Variants in AP2A1 observed in about 807,000 individuals in gnomAD.
The protein encoded by AP2A1 is AP-2 complex subunit alpha-1.
In AP2A1, 21 loss-of-function variants were observed where a neutral mutation model predicts 107.3. The ratio of observed to expected loss-of-function variants is 0.20; its 90% CI spans 0.14 to 0.28. The LOEUF is 0.28. AP2A1 is among the 10% of genes least tolerant of loss of function. The pLI, the probability that AP2A1 is intolerant of heterozygous loss-of-function variation, is 1.00. For missense variants in AP2A1, 873 were observed against 1,307.7 expected (o/e 0.67, Z 5.13); for synonymous variants, 602 against 564.8 (o/e 1.07, Z -0.93).
intron 7 of AP2A1, among the ~76,000 whole-genome samples, chr19:49,798,287 G>C (rs2073235242): frequency 6.6e-6 from 1 of 152,246 alleles, no homozygotes; most frequent in East Asian, 1.9e-4. Flanking sequence ...TGTCTCCTTT[G>C]GCCTCCCAGC....
intron 18 of AP2A1, chr19:49,804,489 G>C (rs570413877): frequency 6.6e-6 from 1 of 150,942 alleles, no homozygotes; most frequent in Non-Finnish European, 1.5e-5. Context: ...GCAGTAAGCC[G>C]AGATTGCGCC....
chr19:49,795,140 C>G (rs569942618), intron 6 of AP2A1, among the ~76,000 whole-genome samples: 6 of 152,344 alleles, frequency 3.9e-5, no homozygotes, highest in Admixed American at 6.5e-5. Flanking sequence ...GCTGTGTGCT[C>G]TGACGGAGGA....
At chr19:49,806,469 C>T (rs1204733569) in intron 22 of AP2A1, 1 of 1,439,370 alleles carries the variant, frequency 6.9e-7, no homozygotes, top group Non-Finnish European at 9.1e-7. Flanking sequence ...TCCCTGATTT[C>T]TACCTTTCCA....
chr19:49,795,623 C>T lies in AP2A1; in HGVS notation c.706-7C>T, dbSNP rs553163221. The T allele has an allele frequency of 6.6e-7, 1 of 1,521,574 alleles. No homozygotes were observed. Among genetic ancestry groups the T allele is most frequent in the South Asian group, 1.2e-5 (1 of 83,150 alleles). The allele number at this position is 1,521,574 out of a possible 1,614,324, so 94.3% of individuals were successfully genotyped here. On this transcript the variant is annotated splice_polypyrimidine_tract_variant and splice_region_variant and intron_variant, in intron 6 of 22. Transcript: ENST00000354293. ...CCCCCAACTTATTTCTTGCTCTTCC[C>T]CGCCAGATCGTCTCCTCTGCCTCCA...
Position 49,805,395 on chromosome 19 carries a change from C to G in AP2A1, c.2345-58C>G. The G allele has an allele frequency of 2.0e-6, 3 of 1,477,140 alleles. No homozygotes were observed. The East Asian group carries it at 7.5e-5, about 37-fold the overall frequency. The allele number at this position is 1,477,140 out of a possible 1,614,324, so 91.5% of individuals were successfully genotyped here. A position where few individuals can be genotyped will look rare whatever the true frequency, so the allele number is the denominator to read the frequency against. Reference sequence around the variant, plus strand: ...CTGCCGGGAGCTCTGGGGTTCCTGACCCAGACCTCCCGGGGGCCCACCTCC... The same window carrying G: ...CTGCCGGGAGCTCTGGGGTTCCTGAGCCAGACCTCCCGGGGGCCCACCTCC... On this transcript the variant is annotated intron_variant, in intron 18 of 22. Transcript: ENST00000354293.
intron 12 of AP2A1, 126 bp from the exon 13 acceptor site, chr19:49,801,264 G>A: frequency 9.4e-7 from 1 of 1,062,590 alleles, no homozygotes; most frequent in Non-Finnish European, 1.4e-6. Context: ...TGCCTGGGGA[G>A]GGCCACTCCC....
At chr19:49,795,587 T>TCCCCCCC in intron 6 of AP2A1, 43 bp from the exon 7 acceptor site, 1 of 292,414 alleles carries the variant, frequency 3.4e-6, no homozygotes, top group Non-Finnish European at 6.7e-6. Context: ...CACGTGCCCC[T>TCCCCCCC]CCCACCCCAG....
At chr19:49,775,173 A>G (rs1402360771) in intron 1 of AP2A1, among the ~76,000 whole-genome samples, 3 of 152,186 alleles carry the variant, frequency 2.0e-5, no homozygotes, top group African/African-American at 7.2e-5. Context: ...GGTTGCAATG[A>G]GTCAAGATCG....
intron 4 of AP2A1, among the ~76,000 whole-genome samples, chr19:49,791,334 A>T (rs971331178): frequency 2.0e-5 from 3 of 152,112 alleles, no homozygotes; most frequent in African/African-American, 7.2e-5. Flanking sequence ...GTCTCGAGCA[A>T]TCCTCCCACC....
chr19:49,781,706 G>A (rs2084677475), intron 1 of AP2A1, 51 bp from the exon 2 acceptor site: 5 of 1,535,358 alleles, frequency 3.3e-6, no homozygotes, highest in African/African-American at 1.4e-5. Flanking sequence ...GAGAGGGCAG[G>A]TGGCTGACTC....
intron 11 of AP2A1, 51 bp from the exon 12 acceptor site, chr19:49,800,910 G>A (rs371805104): frequency 8.0e-5 from 119 of 1,493,440 alleles, no homozygotes; most frequent in African/African-American, 1.8e-4. Context: ...CACCGATCCC[G>A]GAGAGGGCGC....
intron 1 of AP2A1, among the ~76,000 whole-genome samples, chr19:49,772,965 C>T (rs527918770): frequency 2.6e-5 from 4 of 151,336 alleles, no homozygotes; most frequent in African/African-American, 9.7e-5. Flanking sequence ...CAAGCAGGAG[C>T]GAGGGAAGAG....
At position 49,799,511 on chromosome 19, in the gene AP2A1, GC is replaced by G; in HGVS notation, c.1134+19del. Reference sequence around the variant, plus strand: ...TGCCCTCAAGGTGTGAGCCCTTGGAGCCCACCCCGGGCCTGCCACCCCCCTC... The same window carrying G: ...TGCCCTCAAGGTGTGAGCCCTTGGAGCCACCCCGGGCCTGCCACCCCCCTC... On this transcript the variant is annotated intron_variant, in intron 9 of 22. Coordinates refer to ENST00000354293, the MANE Select transcript of AP2A1 (RefSeq NM_130787.3). The G allele has an allele frequency of 6.2e-7, 1 of 1,608,584 alleles. No individual in the cohort carries two copies.
Position 49,801,830 on chromosome 19 carries a change from C to CG in AP2A1, c.1896dup (p.Arg633GlufsTer77). On this transcript the variant is annotated frameshift_variant, in exon 14 of 23. Transcript: ENST00000354293. LOFTEE classifies it high-confidence loss of function. ...GGCCGGCAGCGCCCTGGACGATGGC[C>CG]GGAGGGACCCCAGCAGCAACGACAT... 1 of 1,522,680 alleles carries CG rather than the reference C, an allele frequency of 6.6e-7. No homozygotes were observed. Among genetic ancestry groups the CG allele is most frequent in the Non-Finnish European group, 8.8e-7 (1 of 1,138,258 alleles). The allele number at this position is 1,522,680 out of a possible 1,614,324, so 94.3% of individuals were successfully genotyped here.
Position 49,767,004 on chromosome 19 carries a change from A to AGCCC in AP2A1, c.-127_-126insCGCC. The AGCCC allele has an allele frequency of 3.1e-5, 16 of 513,998 alleles. No homozygotes were observed. Among genetic ancestry groups the AGCCC allele is most frequent in the Non-Finnish European group, 3.9e-5 (14 of 356,334 alleles). 31.8% of individuals were successfully genotyped at this position (513,998 alleles called of 1,614,324 possible). A position where few individuals can be genotyped will look rare whatever the true frequency, so the allele number is the denominator to read the frequency against. ...CTGCCAGCCCGCCCGCCCGCCCGCC[A>AGCCC]GCCAGCCCTCCCCGCGGCCGGCTCG... On this transcript the variant is annotated 5_prime_UTR_variant, in exon 1 of 23. Coordinates refer to ENST00000354293, the MANE Select transcript of AP2A1 (RefSeq NM_130787.3).
At chr19:49,774,374 T>A (rs945478534) in intron 1 of AP2A1, among the ~76,000 whole-genome samples, 2 of 152,040 alleles carry the variant, frequency 1.3e-5, no homozygotes, top group African/African-American at 4.8e-5. Flanking sequence ...GGCAGGGTCT[T>A]GGTGGCCCAA....
rs2073368335 is a variant in AP2A1 at position 49,805,850 on chromosome 19, CTT to C, written c.2586-21_2586-20del. The stretch of plus-strand genomic sequence containing the variant: ...CGGGTCGGGCCGTCCAGGTCCCTGA[CTT>C]GAACCTTCCCGGTCCCCAGCCCTCA... On this transcript the variant is annotated intron_variant, in intron 20 of 22. Transcript: ENST00000354293. The C allele has an allele frequency of 6.2e-7, 1 of 1,613,568 alleles. No individual in the cohort carries two copies. Among genetic ancestry groups the C allele is most frequent in the Non-Finnish European group, 8.5e-7 (1 of 1,179,878 alleles).
At chr19:49,802,487 C>G in intron 15 of AP2A1, 1 of 1,589,656 alleles carries the variant, frequency 6.3e-7, no homozygotes, top group Non-Finnish European at 8.5e-7. Flanking sequence ...AATTGGCTGC[C>G]TGCCACGCCT....
Position 49,800,142 on chromosome 19 carries a change from G to A in AP2A1, c.1447G>A (p.Val483Ile). ...DDVQGYAAKT[V>I]FEALQAPACH... Reference sequence around the variant, plus strand: ...CGTCCAGGGCTATGCCGCCAAGACCGTCTTTGAGGTCAGCATCCCTGACCC... The same window carrying A: ...CGTCCAGGGCTATGCCGCCAAGACCATCTTTGAGGTCAGCATCCCTGACCC... The change falls in exon 11 of 23, where the codon GTC (valine) becomes ATC (isoleucine). Residue 483 changes from valine (V) to isoleucine (I), a missense_variant. This residue lies in a region of AP2A1 where 213 missense variants were observed against 443.5 expected (regional missense o/e 0.48). Coordinates refer to ENST00000354293, the MANE Select transcript of AP2A1 (RefSeq NM_130787.3). 3 of 1,608,632 alleles carry A rather than the reference G, an allele frequency of 1.9e-6. No individual in the cohort carries two copies. The highest frequency in any genetic ancestry group is 1.1e-5 in the South Asian group (1 of 90,684).
Sources: allele counts gnomAD v4.1 joint callset (sites outside exome capture counted in the v4.1 genomes callset), GRCh38; gene constraint gnomAD v4.1.1; regional missense constraint gnomAD v4.1.1; transcripts MANE v1.5; gene names NCBI Gene and HGNC (gene_info 2026-07-23, HGNC 2026-07-21).